NRXN1: variants seen among roughly 807,000 people sequenced by gnomAD.
NRXN1 encodes the protein neurexin 1, also known as neurexin-1.
NRXN1 carries 39 observed loss-of-function variants against 150.9 expected under a neutral mutation model. That is an observed-to-expected ratio of 0.26 (90% CI 0.20 to 0.34). NRXN1 has a LOEUF of 0.34. Among genes scored for constraint, NRXN1 ranks in the 10% least tolerant of loss-of-function variants. The probability of loss-of-function intolerance (pLI) is 1.00; values close to 1 mark genes in which losing one functional copy is unlikely to be tolerated. For synonymous variants in NRXN1, 924 were observed against 757.0 expected, an observed-to-expected ratio of 1.22 and a Z score of -3.62; for missense variants, 1,815 against 1,949.9, an observed-to-expected ratio of 0.93 and a Z score of 1.30.
At chr2:50,478,628 T>C (rs1349157345) in intron 15 of NRXN1, among the ~76,000 whole-genome samples, 1 of 152,202 alleles carries the variant, frequency 6.6e-6, no homozygotes, top group Non-Finnish European at 1.5e-5. Context: ...CAACAATCTA[T>C]TTTTGCTTCT....
At chr2:50,590,995 G>T (rs567376813) in intron 8 of NRXN1, among the ~76,000 whole-genome samples, 4 of 152,216 alleles carry the variant, frequency 2.6e-5, no homozygotes, top group Admixed American at 6.5e-5. Context: ...CCCCACTGAG[G>T]TCTCTGTCTT....
chr2:50,712,398 A>C (rs1177943115), intron 5 of NRXN1, among the ~76,000 whole-genome samples: 2 of 152,182 alleles, frequency 1.3e-5, no homozygotes, highest in African/African-American at 4.8e-5. Flanking sequence ...TAATAAATAA[A>C]ATCATTCCTT....
intron 5 of NRXN1, among the ~76,000 whole-genome samples, chr2:50,643,677 A>G (rs2104498712): frequency 6.6e-6 from 1 of 151,982 alleles, no homozygotes; most frequent in African/African-American, 2.4e-5. Flanking sequence ...TAATTATTAA[A>G]TATCATATAT....
At chr2:50,431,787 C>G (rs996984932) in intron 17 of NRXN1, among the ~76,000 whole-genome samples, 4 of 152,100 alleles carry the variant, frequency 2.6e-5, no homozygotes, top group Non-Finnish European at 4.4e-5. Flanking sequence ...TTATCCAGTC[C>G]TTTACACAAA....
intron 2 of NRXN1, chr2:51,026,602 G>T (rs931904348): frequency 1.5e-6 from 1 of 654,858 alleles, no homozygotes; most frequent in Non-Finnish European, 2.7e-6. Context: ...AATATCCTTA[G>T]AAAATCTCTT....
chr2:50,238,181 A>G (rs937883517), intron 17 of NRXN1, among the ~76,000 whole-genome samples: 2 of 152,058 alleles, frequency 1.3e-5, no homozygotes, highest in African/African-American at 4.8e-5. Flanking sequence ...TCAATGCATC[A>G]TTCATTGGCC....
intron 18 of NRXN1, among the ~76,000 whole-genome samples, chr2:50,159,940 C>T (rs1167775962): frequency 1.3e-5 from 2 of 152,082 alleles, no homozygotes; most frequent in African/African-American, 2.4e-5. Flanking sequence ...AAACTGTCCT[C>T]TTTATTTTAT....
intron 17 of NRXN1, chr2:50,312,673 T>C (rs1455457119): frequency 1.0e-5 from 5 of 494,952 alleles, no homozygotes; most frequent in Non-Finnish European, 2.0e-5. Context: ...ACAGTCCATC[T>C]GATTTTTTGT....
chr2:50,898,921 G>A (rs76450924), intron 5 of NRXN1, among the ~76,000 whole-genome samples: 1 of 151,166 alleles, frequency 6.6e-6, no homozygotes, highest in Non-Finnish European at 1.5e-5. Flanking sequence ...ATTCTGGAAA[G>A]CAAATTCAGG....
chr2:50,997,791 G>A lies in NRXN1; in HGVS notation c.772+29711C>T, dbSNP rs1699520887. 1.4e-5 allele frequency among the ~76,000 whole-genome samples: 2 copies of A among 142,082 alleles called. 1 individual carries two copies. Among genetic ancestry groups the A allele is most frequent in the South Asian group, 4.5e-4 (2 of 4,486 alleles). 93.2% of individuals were successfully genotyped at this position (142,082 alleles called of 152,430 possible). A position where few individuals can be genotyped will look rare whatever the true frequency, so the allele number is the denominator to read the frequency against. The stretch of plus-strand genomic sequence containing the variant: ...CCCAAAATGCTGGGATTACAAGAGT[G>A]AGCCATCACATCAGCCACATTTTCA... On this transcript the variant is annotated intron_variant, in intron 2 of 22. Transcript: ENST00000401669.
intron 17 of NRXN1, among the ~76,000 whole-genome samples, chr2:50,459,634 A>T (rs1009778289): frequency 6.6e-6 from 1 of 152,106 alleles, no homozygotes; most frequent in African/African-American, 2.4e-5. Context: ...CCCACAAAAG[A>T]CATTATCTCA....
chr2:50,085,640 A>C (rs922458231), intron 19 of NRXN1, among the ~76,000 whole-genome samples: 2 of 151,952 alleles, frequency 1.3e-5, no homozygotes. Flanking sequence ...AACTTTAGTG[A>C]AAACAAAATA....
At chr2:50,789,771 T>C (rs187484549) in intron 5 of NRXN1, among the ~76,000 whole-genome samples, 2 of 152,232 alleles carry the variant, frequency 1.3e-5, no homozygotes, top group Admixed American at 1.3e-4. Context: ...AAGTTAGCAT[T>C]CACTTGAGAT....
intron 5 of NRXN1, among the ~76,000 whole-genome samples, chr2:50,827,104 C>A (rs141317953): frequency 5.3e-5 from 8 of 152,224 alleles, no homozygotes; most frequent in Non-Finnish European, 1.0e-4. Context: ...AAAATGAGGA[C>A]AGAAATGTGA....
intron 18 of NRXN1, among the ~76,000 whole-genome samples, chr2:50,140,458 A>G (rs1407523967): frequency 2.0e-5 from 3 of 152,032 alleles, no homozygotes; most frequent in Non-Finnish European, 1.5e-5. Context: ...GGTTGAGGGC[A>G]CTCCACATTT....
chr2:49,977,759 T>A (rs948423247), intron 21 of NRXN1, among the ~76,000 whole-genome samples: 23 of 152,226 alleles, frequency 1.5e-4, no homozygotes, highest in African/African-American at 5.1e-4. Flanking sequence ...GGTCAAGTTA[T>A]CTGTTCTTCA....
At chr2:50,965,145 A>T (rs1693855869) in intron 2 of NRXN1, among the ~76,000 whole-genome samples, 1 of 151,314 alleles carries the variant, frequency 6.6e-6, no homozygotes, top group African/African-American at 2.4e-5. Flanking sequence ...ATCACAATTG[A>T]TTATATATAC....
intron 17 of NRXN1, among the ~76,000 whole-genome samples, chr2:50,391,122 C>A (rs189580895): frequency 5.9e-5 from 9 of 151,710 alleles, no homozygotes; most frequent in Admixed American, 2.6e-4. Flanking sequence ...GCTAAAACAG[C>A]AGAATTAAAA....
intron 17 of NRXN1, among the ~76,000 whole-genome samples, chr2:50,255,526 C>G (rs2067614080): frequency 1.3e-5 from 2 of 152,094 alleles, no homozygotes; most frequent in Admixed American, 1.3e-4. Context: ...TTCCAATTTG[C>G]ACATCAGATC....
Sources: allele counts gnomAD v4.1 joint callset (sites outside exome capture counted in the v4.1 genomes callset), GRCh38; gene constraint gnomAD v4.1.1; transcripts MANE v1.5; gene names NCBI Gene and HGNC (gene_info 2026-07-23, HGNC 2026-07-21).